The following PTBP3 variants were observed in gnomAD, a reference collection of about 807,000 sequenced individuals.
The protein encoded by PTBP3 is polypyrimidine tract binding protein 3.
Under a neutral mutation model 58.7 loss-of-function variants are expected in PTBP3, and 20 were observed. That is an observed-to-expected ratio of 0.34 (90% CI 0.24 to 0.50). The LOEUF is 0.50. Ranked by LOEUF, PTBP3 falls within the 20% of genes least tolerant of loss-of-function variation. The probability of loss-of-function intolerance (pLI) is 0.98; values close to 1 mark genes in which losing one functional copy is unlikely to be tolerated. For synonymous variants in PTBP3, 185 were observed against 219.8 expected, an observed-to-expected ratio of 0.84 and a Z score of 1.40; for missense variants, 509 against 637.2, an observed-to-expected ratio of 0.80 and a Z score of 2.17.
At chr9:112,299,493 T>C (rs1429140087) in intron 1 of PTBP3, among the ~76,000 whole-genome samples, 2 of 152,102 alleles carry the variant, frequency 1.3e-5, no homozygotes, top group Admixed American at 6.5e-5. Flanking sequence ...ATCCAGCACG[T>C]ACTAAGAAAA....
chr9:112,299,986 C>T lies in PTBP3; in HGVS notation c.-51-2070G>A, dbSNP rs549646574. Reference sequence around the variant, plus strand: ...TAAACAATTTATAAATGACTAATACCATATCCAATCAAACTAAAGATATTT... The same window carrying T: ...TAAACAATTTATAAATGACTAATACTATATCCAATCAAACTAAAGATATTT... On this transcript the variant is annotated intron_variant, in intron 1 of 13. Coordinates refer to ENST00000374257, the MANE Select transcript of PTBP3 (RefSeq NM_001163788.4). Among the ~76,000 whole-genome samples the T allele has an allele frequency of 1.3e-4, 20 of 152,228 alleles. No homozygotes were observed. In the South Asian group the frequency reaches 3.3e-3, roughly 25 times the overall value.
At position 112,223,016 on chromosome 9, in the gene PTBP3, G is replaced by A. The variant is rs186011351; in HGVS notation, c.*835C>T. ...ATTATAAAAAAGTAGTTTATAAGTA[G>A]GATTATTTTTCTTTAAAATTTTCCA... is the stretch of plus-strand genomic sequence containing the variant. On this transcript the variant is annotated 3_prime_UTR_variant, in exon 14 of 14. Transcript: ENST00000374257. The A allele has an allele frequency of 1.2e-6, 1 of 847,486 alleles. No individual in the cohort carries two copies. The highest frequency in any genetic ancestry group is 1.8e-5 in the African/African-American group (1 of 54,252). The allele number at this position is 847,486 out of a possible 1,614,324, so 52.5% of individuals were successfully genotyped here. A position where few individuals can be genotyped will look rare whatever the true frequency, so the allele number is the denominator to read the frequency against.
At chr9:112,344,536 A>G in the PTBP3 span, among the ~76,000 whole-genome samples, 3 of 152,196 alleles carry the variant, frequency 2.0e-5, no homozygotes, top group Non-Finnish European at 4.4e-5. Flanking sequence ...TTGACTTCCC[A>G]GCCTCCAGAA....
the PTBP3 span, among the ~76,000 whole-genome samples, chr9:112,364,347 T>A: frequency 6.6e-6 from 1 of 152,120 alleles, no homozygotes; most frequent in Non-Finnish European, 1.5e-5. Flanking sequence ...TAACCTTTTA[T>A]AAGTATTTTG....
At chr9:112,376,456 G>A in the PTBP3 span, among the ~76,000 whole-genome samples, 5 of 151,790 alleles carry the variant, frequency 3.3e-5, no homozygotes, top group Non-Finnish European at 5.9e-5. Flanking sequence ...GTTTCACCAC[G>A]TTGGCCAGGA....
intron 4 of PTBP3, 85 bp from the exon 5 acceptor site, chr9:112,262,684 A>C (rs749868644): frequency 2.4e-6 from 3 of 1,266,112 alleles, no homozygotes; most frequent in Non-Finnish European, 3.1e-6. Flanking sequence ...AAACAGTATG[A>C]AGCAATGTAG....
chr9:112,326,251 G>A (rs4363271), intron 1 of PTBP3, among the ~76,000 whole-genome samples: 73,823 of 152,014 alleles, frequency 0.49, 18,266 homozygotes, highest in African/African-American at 0.58. Context: ...GAAAAGGATT[G>A]CAGCAAATGC....
intron 10 of PTBP3, among the ~76,000 whole-genome samples, chr9:112,229,761 G>A (rs1049759318): frequency 6.6e-6 from 1 of 152,164 alleles, no homozygotes; most frequent in Non-Finnish European, 1.5e-5. Flanking sequence ...TGTAGAGATG[G>A]GGTCTCACTA....
chr9:112,294,440 C>A (rs1828580815), intron 2 of PTBP3, among the ~76,000 whole-genome samples: 1 of 152,136 alleles, frequency 6.6e-6, no homozygotes, highest in Non-Finnish European at 1.5e-5. Flanking sequence ...ACTGCCTGAA[C>A]CCAGGAGGTT....
chr9:112,221,552 A>C lies in PTBP3; in HGVS notation c.*2299T>G. The C allele has an allele frequency of 1.0e-6, 1 of 985,750 alleles. No homozygotes were observed. 61.1% of individuals were successfully genotyped at this position (985,750 alleles called of 1,614,324 possible). On this transcript the variant is annotated 3_prime_UTR_variant, in exon 14 of 14. Transcript: ENST00000374257. ...AATAGTGCCTGTGTGGAAGGGAAAA[A>C]AAAGCAAGTTTTGGGAGATTTTGCA...
intron 7 of PTBP3, among the ~76,000 whole-genome samples, chr9:112,245,837 G>C (rs752860556): frequency 6.6e-6 from 1 of 152,086 alleles, no homozygotes; most frequent in Non-Finnish European, 1.5e-5. Context: ...AATGAAAAAC[G>C]AAAGTAGGAA....
intron 4 of PTBP3, among the ~76,000 whole-genome samples, chr9:112,266,415 A>C (rs760680395): frequency 1.3e-5 from 2 of 152,234 alleles, no homozygotes; most frequent in African/African-American, 2.4e-5. Context: ...CTAAGCACAT[A>C]ATCTCTACAG....
intron 2 of PTBP3, among the ~76,000 whole-genome samples, chr9:112,277,928 TAACATAACATAACATAATATAACATAAC>T (rs1564427529): frequency 1.2e-3 from 142 of 117,260 alleles, no homozygotes; most frequent in African/African-American, 2.3e-3. Flanking sequence ...TAACATAACA[TAACATAACATAACATAATATAACATAAC>T]ATAACATAAC....
chr9:112,353,409 C>CA, the PTBP3 span, among the ~76,000 whole-genome samples: 1 of 147,364 alleles, frequency 6.8e-6, no homozygotes, highest in Non-Finnish European at 1.5e-5. Context: ...CTTTCTTTTC[C>CA]TTTTTTTTGT....
intron 2 of PTBP3, among the ~76,000 whole-genome samples, chr9:112,297,156 C>T (rs942132619): frequency 3.3e-5 from 5 of 152,236 alleles, no homozygotes; most frequent in East Asian, 1.9e-4. Context: ...ATTTTTAAAA[C>T]GTATCGTCTT....
intron 2 of PTBP3, among the ~76,000 whole-genome samples, chr9:112,281,654 T>C (rs940012852): frequency 6.6e-6 from 1 of 152,238 alleles, no homozygotes; most frequent in African/African-American, 2.4e-5. Flanking sequence ...ATATGTCTGA[T>C]AGACTTCATC....
the PTBP3 span, among the ~76,000 whole-genome samples, chr9:112,339,746 T>G: frequency 6.6e-6 from 1 of 151,796 alleles, no homozygotes; most frequent in Admixed American, 6.6e-5. Context: ...GTATTTTTGG[T>G]AGAAATGGGA....
chr9:112,255,474 C>T (rs746012622), intron 5 of PTBP3, among the ~76,000 whole-genome samples: 5 of 152,008 alleles, frequency 3.3e-5, no homozygotes, highest in African/African-American at 4.8e-5. Flanking sequence ...AAAGGAGTAA[C>T]GTTAGACTTT....
chr9:112,366,170 C>A, the PTBP3 span, among the ~76,000 whole-genome samples: 1 of 152,000 alleles, frequency 6.6e-6, no homozygotes, highest in African/African-American at 2.4e-5. Context: ...GTAGTCCCAG[C>A]TACTCAGGAG....
Sources: gnomAD v4.1 joint callset for allele counts (sites outside exome capture counted in the v4.1 genomes callset) on GRCh38, gnomAD v4.1.1 for gene constraint, MANE v1.5 for transcripts, NCBI Gene and HGNC (gene_info 2026-07-23, HGNC 2026-07-21) for gene names.